The following ZDHHC13 variants were observed in gnomAD, a reference collection of about 807,000 sequenced individuals.
ZDHHC13 encodes the protein zDHHC palmitoyltransferase 13, also known as palmitoyltransferase ZDHHC13.
ZDHHC13 carries 85 observed loss-of-function variants against 86.0 expected under a neutral mutation model. The observed-to-expected ratio is 0.99, with a 90% CI of 0.83 to 1.18. ZDHHC13 has a LOEUF of 1.18. Among genes scored for constraint, ZDHHC13 ranks in the 50% most tolerant of loss-of-function variants. The probability of loss-of-function intolerance (pLI) is 0.00; values close to 1 mark genes in which losing one functional copy is unlikely to be tolerated. For synonymous variants in ZDHHC13, 263 were observed against 246.4 expected (o/e 1.07, Z -0.63); for missense variants, 711 against 730.2 (o/e 0.97, Z 0.30).
chr11:19,144,700 CAG>C (rs1255182871), intron 2 of ZDHHC13, among the ~76,000 whole-genome samples: 1 of 152,130 alleles, frequency 6.6e-6, no homozygotes, highest in East Asian at 1.9e-4. Context: ...GTGTGAGAAA[CAG>C]ACAATTCTGC....
rs376405327 is a variant in ZDHHC13 at position 19,155,932 on chromosome 11, G to A, written c.1007+3G>A. 1 of 1,594,790 alleles carries A rather than the reference G, an allele frequency of 6.3e-7. No homozygotes were observed. On this transcript the variant is annotated splice_donor_region_variant and intron_variant, in intron 9 of 16. Transcript: ENST00000446113. ...TTTCTGACATCTTTGTTTCCAAGGT[G>A]TGTATGTTAATTTTTGCAAGGCTGG...
At chr11:19,147,483 C>A in intron 3 of ZDHHC13, 113 bp from the exon 4 acceptor site, 1 of 862,598 alleles carries the variant, frequency 1.2e-6, no homozygotes, top group Non-Finnish European at 1.8e-6. Flanking sequence ...GGGATTATTA[C>A]TATCATAATT....
At chr11:19,146,674 TAGG>T (rs1397162769) in intron 3 of ZDHHC13, among the ~76,000 whole-genome samples, 2 of 152,134 alleles carry the variant, frequency 1.3e-5, no homozygotes, top group Non-Finnish European at 2.9e-5. Flanking sequence ...AATAGATAGG[TAGG>T]AGATTTAACC....
At chr11:19,139,460 A>T (rs1849243929) in intron 1 of ZDHHC13, among the ~76,000 whole-genome samples, 1 of 126,406 alleles carries the variant, frequency 7.9e-6, no homozygotes. Context: ...GGGTAGGAAG[A>T]ATCAATATTG....
At chr11:19,129,754 T>C (rs1289253661) in intron 1 of ZDHHC13, among the ~76,000 whole-genome samples, 1 of 152,136 alleles carries the variant, frequency 6.6e-6, no homozygotes. Context: ...TTTCTTTACT[T>C]GTAATGTCTT....
In ZDHHC13 at chr11:19,164,425, G is replaced by A. The variant is rs188111713; in HGVS notation, c.1296+62G>A. 8.3e-5 allele frequency: 122 copies of A among 1,474,334 alleles called. No individual in the cohort carries two copies. The African/African-American group carries it at 1.5e-3, about 18-fold the overall frequency. 91.3% of individuals were successfully genotyped at this position (1,474,334 alleles called of 1,614,324 possible). On this transcript the variant is annotated intron_variant, in intron 12 of 16. Coordinates refer to ENST00000446113, the MANE Select transcript of ZDHHC13 (RefSeq NM_019028.3). ...GCAAAGTCTTGGTAACGTTGCTGAT[G>A]TAAGCATTTGTCAGATCTTCATGGT...
chr11:19,136,131 C>T (rs552638744), intron 1 of ZDHHC13, among the ~76,000 whole-genome samples: 11 of 152,100 alleles, frequency 7.2e-5, no homozygotes, highest in East Asian at 3.9e-4. Flanking sequence ...CTCTGAGCTA[C>T]GGGAGGAAAT....
rs75363426 is a variant in ZDHHC13, at chr11:19,151,701, T to C, written c.585-457T>C. Among the ~76,000 whole-genome samples, 835 of 152,232 alleles carry C rather than the reference T, an allele frequency of 5.5e-3. 12 individuals are homozygous for C. The highest frequency in any genetic ancestry group is 9.2e-3 in the Non-Finnish European group (625 of 67,924). ...TCTTCTAGTCCGTAACTTTCTAAGA[T>C]ATACAAATATTTTAGGGCATAATTT... On this transcript the variant is annotated intron_variant, in intron 6 of 16. Transcript: ENST00000446113.
At position 19,152,129 on chromosome 11, in the gene ZDHHC13, C is replaced by T. The variant is rs1366083191; in HGVS notation, c.585-29C>T. On this transcript the variant is annotated intron_variant, in intron 6 of 16. Transcript: ENST00000446113. Reference sequence around the variant, plus strand: ...CCTTAAGTCATCATCTCTGTTAATGCCTCTTGGTATTTTATTATTTTGAGA... The same window carrying T: ...CCTTAAGTCATCATCTCTGTTAATGTCTCTTGGTATTTTATTATTTTGAGA... The T allele has an allele frequency of 3.1e-6, 5 of 1,603,594 alleles. No homozygotes were observed. The Admixed American group carries it at 8.5e-5, about 27-fold the overall frequency.
At chr11:19,165,529 G>C (rs61887284) in intron 13 of ZDHHC13, among the ~76,000 whole-genome samples, 3 of 152,190 alleles carry the variant, frequency 2.0e-5, no homozygotes, top group African/African-American at 7.2e-5. Context: ...CCATGATGTA[G>C]TAGCTGAGGA....
chr11:19,128,607 T>C (rs1214710937), intron 1 of ZDHHC13, among the ~76,000 whole-genome samples: 1 of 152,338 alleles, frequency 6.6e-6, no homozygotes, highest in African/African-American at 2.4e-5. Flanking sequence ...CTTTCATTCT[T>C]AAAACTTTTT....
At chr11:19,162,115 G>T (rs1289976244) in intron 10 of ZDHHC13, among the ~76,000 whole-genome samples, 1 of 152,176 alleles carries the variant, frequency 6.6e-6, no homozygotes, top group African/African-American at 2.4e-5. Flanking sequence ...GTGTTTGGAA[G>T]TCTATCATTT....
intron 1 of ZDHHC13, among the ~76,000 whole-genome samples, chr11:19,119,112 A>C (rs901349049): frequency 6.6e-6 from 1 of 152,062 alleles, no homozygotes; most frequent in African/African-American, 2.4e-5. Context: ...TTCTGACCTC[A>C]TCTTTTTTTT....
In ZDHHC13 at chr11:19,117,288, C is replaced by T; in HGVS notation, c.27+12C>T. 6.8e-7 allele frequency: 1 copy of T among 1,469,346 alleles called. No homozygotes were observed. The highest frequency in any genetic ancestry group is 9.0e-7 in the Non-Finnish European group (1 of 1,109,084). 91.0% of individuals were successfully genotyped at this position (1,469,346 alleles called of 1,614,324 possible). Reference sequence around the variant, plus strand: ...GGCTGGGCTCGCAGGTGAGTGCGGCCGGGCGGTGGCTGTCCTGGGGGCCGG... The same window carrying T: ...GGCTGGGCTCGCAGGTGAGTGCGGCTGGGCGGTGGCTGTCCTGGGGGCCGG... On this transcript the variant is annotated intron_variant, in intron 1 of 16. Transcript: ENST00000446113. This position sits in a 1 kb window ranked among gnomAD's most constrained non-coding sequence, Gnocchi z 4.2.
At chr11:19,156,762 C>T (rs1849766939) in intron 9 of ZDHHC13, among the ~76,000 whole-genome samples, 1 of 152,184 alleles carries the variant, frequency 6.6e-6, no homozygotes, top group East Asian at 1.9e-4. Flanking sequence ...CCACAACTCG[C>T]ATCCTAGACC....
In ZDHHC13 at chr11:19,154,640, A is replaced by G. The variant is rs76453286; in HGVS notation, c.874-1156A>G. On this transcript the variant is annotated intron_variant, in intron 8 of 16. Coordinates refer to ENST00000446113, the MANE Select transcript of ZDHHC13 (RefSeq NM_019028.3). Reference sequence around the variant, plus strand: ...AAGTTTCATTCTTTTAACTTTGCCAAAATAAACCTGAATTAGTAGCATCAT... The same window carrying G: ...AAGTTTCATTCTTTTAACTTTGCCAGAATAAACCTGAATTAGTAGCATCAT... Among the ~76,000 whole-genome samples, 855 of 152,268 alleles carry G rather than the reference A, an allele frequency of 5.6e-3. 7 individuals carry two copies. The highest frequency in any genetic ancestry group is 0.019 in the African/African-American group (806 of 41,548).
At chr11:19,140,777 G>A (rs1466300232) in intron 1 of ZDHHC13, among the ~76,000 whole-genome samples, 1 of 152,082 alleles carries the variant, frequency 6.6e-6, no homozygotes, top group African/African-American at 2.4e-5. Flanking sequence ...GGACATGGAT[G>A]AAATCGGAAA....
At chr11:19,155,988 C>T in intron 9 of ZDHHC13, 59 bp downstream of exon 9, 2 of 1,526,184 alleles carry the variant, frequency 1.3e-6, no homozygotes, top group Middle Eastern at 1.8e-4. Context: ...TTTCTTATTT[C>T]TGTTGTTGGT....
chr11:19,160,100 A>G (rs1011654539), intron 10 of ZDHHC13, among the ~76,000 whole-genome samples: 2 of 152,068 alleles, frequency 1.3e-5, no homozygotes, highest in African/African-American at 2.4e-5. Context: ...TATTTTTTCC[A>G]TAGGAATAAA....
Sources: gnomAD v4.1 joint callset for allele counts (sites outside exome capture counted in the v4.1 genomes callset) on GRCh38, gnomAD v4.1.1 for gene constraint, Gnocchi (gnomAD v3.1) non-coding constraint, MANE v1.5 for transcripts, NCBI Gene and HGNC (gene_info 2026-07-23, HGNC 2026-07-21) for gene names.